CFAP210: variants seen among roughly 807,000 people sequenced by gnomAD.
The protein encoded by CFAP210 is cilia- and flagella- associated protein 210.
the CFAP210 span, chr2:169,660,897 C>A: frequency 2.6e-6 from 1 of 383,378 alleles, no homozygotes; most frequent in South Asian, 2.1e-5. Context: ...GCCACTACGC[C>A]TGGCCTGATG....
chr2:169,651,365 T>A, the CFAP210 span, among the ~76,000 whole-genome samples: 1 of 151,762 alleles, frequency 6.6e-6, no homozygotes, highest in East Asian at 2.0e-4. Context: ...TACTCCAGCC[T>A]GAGTGACAGA....
chr2:169,645,937 T>G, the CFAP210 span: 5 of 1,613,974 alleles, frequency 3.1e-6, no homozygotes, highest in Non-Finnish European at 4.2e-6. Flanking sequence ...TAACATCATT[T>G]GCCTGATAGC....
At chr2:169,647,583 T>C in the CFAP210 span, among the ~76,000 whole-genome samples, 1 of 152,142 alleles carries the variant, frequency 6.6e-6, no homozygotes, top group East Asian at 1.9e-4. Context: ...AAATTGTACC[T>C]AAGAGGAACC....
At chr2:169,664,976 A>G in the CFAP210 span, among the ~76,000 whole-genome samples, 32 of 152,352 alleles carry the variant, frequency 2.1e-4, no homozygotes, top group Admixed American at 1.7e-3. Context: ...CTACATCCCA[A>G]GAAAACTTGG....
chr2:169,681,402 C>T, the CFAP210 span: 1 of 663,298 alleles, frequency 1.5e-6, no homozygotes, highest in African/African-American at 1.8e-5. Context: ...AATACAAAGC[C>T]TTGAAATCAG....
the CFAP210 span, among the ~76,000 whole-genome samples, chr2:169,649,648 C>A: frequency 6.6e-6 from 1 of 152,230 alleles, no homozygotes; most frequent in East Asian, 1.9e-4. Context: ...ATTGCTCCAG[C>A]CATACTTGGT....
At chr2:169,653,056 ATATATATATATG>A in the CFAP210 span, among the ~76,000 whole-genome samples, 216 of 101,986 alleles carry the variant, frequency 2.1e-3, 2 homozygotes, top group East Asian at 0.019. Flanking sequence ...ATATATATAT[ATATATATATATG>A]TATGTGTGTA....
At chr2:169,665,567 T>C in the CFAP210 span, among the ~76,000 whole-genome samples, 29 of 152,074 alleles carry the variant, frequency 1.9e-4, no homozygotes, top group African/African-American at 6.8e-4. Context: ...GCCAAGACAA[T>C]TGTAGATAAA....
the CFAP210 span, among the ~76,000 whole-genome samples, chr2:169,656,461 AAGG>A: frequency 9.5e-3 from 1,413 of 148,428 alleles, 28 homozygotes; most frequent in African/African-American, 0.032. Flanking sequence ...TGAAGTAGAG[AAGG>A]AGGAGGAGGA....
At chr2:169,680,296 A>T in the CFAP210 span, among the ~76,000 whole-genome samples, 1 of 152,228 alleles carries the variant, frequency 6.6e-6, no homozygotes, top group African/African-American at 2.4e-5. Context: ...ACTCTCAAAG[A>T]TTATTATTGG....
the CFAP210 span, among the ~76,000 whole-genome samples, chr2:169,676,940 C>T: frequency 6.6e-6 from 1 of 152,120 alleles, no homozygotes; most frequent in African/African-American, 2.4e-5. Flanking sequence ...TTACCTTTTC[C>T]CAGCATTTCT....
the CFAP210 span, chr2:169,662,327 GT>G: frequency 2.5e-6 from 4 of 1,603,056 alleles, no homozygotes; most frequent in South Asian, 1.1e-5. Flanking sequence ...TTCTTTTCTA[GT>G]TTTTTTCTCA....
the CFAP210 span, chr2:169,674,565 T>C: frequency 1.9e-6 from 3 of 1,559,474 alleles, no homozygotes; most frequent in African/African-American, 1.4e-5. Context: ...AGGTATTTTA[T>C]GTATACATAC....
At chr2:169,685,550 G>A in the CFAP210 span, among the ~76,000 whole-genome samples, 2 of 151,992 alleles carry the variant, frequency 1.3e-5, no homozygotes, top group Non-Finnish European at 2.9e-5. Context: ...CCCATTCGGT[G>A]GATGTATTTG....
chr2:169,659,100 C>G, the CFAP210 span: 1 of 152,196 alleles, frequency 6.6e-6, no homozygotes, highest in African/African-American at 2.4e-5. Context: ...GCCTGGGCAA[C>G]AGAGCAAGAC....
chr2:169,693,444 A>G, the CFAP210 span, among the ~76,000 whole-genome samples: 1 of 152,190 alleles, frequency 6.6e-6, no homozygotes, highest in East Asian at 1.9e-4. Context: ...TAAAACCTCC[A>G]CTGCATAAAT....
chr2:169,672,632 C>G, the CFAP210 span, among the ~76,000 whole-genome samples: 1 of 152,214 alleles, frequency 6.6e-6, no homozygotes, highest in African/African-American at 2.4e-5. Context: ...AAGGAAGCAT[C>G]TGGCACCAAT....
the CFAP210 span, among the ~76,000 whole-genome samples, chr2:169,654,598 G>A: frequency 6.6e-6 from 1 of 152,070 alleles, no homozygotes; most frequent in African/African-American, 2.4e-5. Context: ...ATACATGTAA[G>A]TACAACTTTA....
At chr2:169,691,480 CCTAT>C in the CFAP210 span, among the ~76,000 whole-genome samples, 1 of 152,120 alleles carries the variant, frequency 6.6e-6, no homozygotes, top group South Asian at 2.1e-4. Flanking sequence ...TCTCTGATTT[CCTAT>C]CTTTTGTCCA....
Sources: allele counts gnomAD v4.1 joint callset (sites outside exome capture counted in the v4.1 genomes callset), GRCh38; gene constraint gnomAD v4.1.1; transcripts MANE v1.5; gene names NCBI Gene and HGNC (gene_info 2026-07-23, HGNC 2026-07-21).